BCKDHB: variants seen among roughly 807,000 people sequenced by gnomAD.
BCKDHB encodes the protein branched chain keto acid dehydrogenase E1 subunit beta, also known as 2-oxoisovalerate dehydrogenase subunit beta, mitochondrial.
A neutral mutation model predicts 48.5 loss-of-function variants in BCKDHB; 41 were observed. The ratio of observed to expected loss-of-function variants is 0.85; its 90% confidence interval spans 0.66 to 1.10. The LOEUF is 1.10. Ranked by LOEUF, BCKDHB falls within the 50% of genes least tolerant of loss-of-function variation. The pLI is 0.00. For synonymous variants in BCKDHB, 201 were observed against 174.8 expected (o/e 1.15, Z -1.18); for missense variants, 496 against 494.2 (o/e 1.00, Z -0.03).
chr6:80,372,003 C>T, the BCKDHB span, among the ~76,000 whole-genome samples: 156 of 151,796 alleles, frequency 1.0e-3, 1 homozygote, highest in African/African-American at 3.5e-3. Flanking sequence ...GATTGTTTTT[C>T]CTAGATGTGT....
intron 9 of BCKDHB, among the ~76,000 whole-genome samples, chr6:80,341,505 CAGACAT>C (rs1211555968): frequency 1.3e-5 from 2 of 152,172 alleles, no homozygotes; most frequent in African/African-American, 4.8e-5. Flanking sequence ...TATGCTCGTG[CAGACAT>C]ATAGATGTAT....
At chr6:80,426,179 G>T in the BCKDHB span, among the ~76,000 whole-genome samples, 2 of 152,068 alleles carry the variant, frequency 1.3e-5, no homozygotes, top group Non-Finnish European at 2.9e-5. Flanking sequence ...TATGACCGAG[G>T]ATGTTTTTGT....
At chr6:80,157,632 A>AT (rs1230666919) in intron 3 of BCKDHB, among the ~76,000 whole-genome samples, 7 of 149,126 alleles carry the variant, frequency 4.7e-5, no homozygotes, top group South Asian at 2.1e-4. Flanking sequence ...CACCTGGCTA[A>AT]TTTTTTTTTG....
chr6:80,151,859 G>A (rs531806479), intron 3 of BCKDHB, among the ~76,000 whole-genome samples: 21 of 152,268 alleles, frequency 1.4e-4, no homozygotes, highest in African/African-American at 4.8e-4. Flanking sequence ...TGACGCACAA[G>A]GGTTTTAGAT....
chr6:80,201,068 T>A (rs755313851), intron 7 of BCKDHB, 37 bp downstream of exon 7: 27 of 1,497,680 alleles, frequency 1.8e-5, no homozygotes, highest in Non-Finnish European at 2.5e-5. Context: ...AAACCTACGT[T>A]GTGCTTGGAA....
At chr6:80,395,244 A>G in the BCKDHB span, among the ~76,000 whole-genome samples, 1 of 152,190 alleles carries the variant, frequency 6.6e-6, no homozygotes, top group Non-Finnish European at 1.5e-5. Context: ...GAAGAAGACA[A>G]GAAAATGTAG....
chr6:80,176,403 T>C (rs1773157216), intron 6 of BCKDHB, among the ~76,000 whole-genome samples: 1 of 152,110 alleles, frequency 6.6e-6, no homozygotes, highest in South Asian at 2.1e-4. Context: ...GCTGGCTTTT[T>C]CCTTATAGTC....
the BCKDHB span, among the ~76,000 whole-genome samples, chr6:80,418,251 T>C: frequency 6.6e-6 from 1 of 152,176 alleles, no homozygotes; most frequent in Non-Finnish European, 1.5e-5. Flanking sequence ...AGCTCAATGA[T>C]CTTTGTTCCT....
intron 3 of BCKDHB, among the ~76,000 whole-genome samples, chr6:80,155,713 GTA>G (rs1401252048): frequency 1.3e-5 from 2 of 151,828 alleles, no homozygotes; most frequent in Non-Finnish European, 2.9e-5. Flanking sequence ...GGGATTACTG[GTA>G]AATATAACAT....
the BCKDHB span, among the ~76,000 whole-genome samples, chr6:80,428,325 T>C: frequency 6.6e-6 from 1 of 152,208 alleles, no homozygotes; most frequent in African/African-American, 2.4e-5. Context: ...AGTGTTGCAG[T>C]AAACATACGT....
chr6:80,396,815 G>A, the BCKDHB span, among the ~76,000 whole-genome samples: 1 of 152,146 alleles, frequency 6.6e-6, no homozygotes, highest in Non-Finnish European at 1.5e-5. Flanking sequence ...TAAGTTTCCT[G>A]AGGCCTTCCA....
the BCKDHB span, among the ~76,000 whole-genome samples, chr6:80,391,434 G>A: frequency 2.5e-3 from 378 of 152,256 alleles, no homozygotes; most frequent in Middle Eastern, 6.8e-3. Context: ...GCACAGCCAT[G>A]AAGAGAAGCT....
intron 9 of BCKDHB, among the ~76,000 whole-genome samples, chr6:80,309,565 A>G (rs1292971711): frequency 1.3e-5 from 2 of 151,874 alleles, no homozygotes; most frequent in Non-Finnish European, 2.9e-5. Flanking sequence ...GTATTCATGT[A>G]TTTTGGCCTG....
At chr6:80,190,606 G>T (rs1773850236) in intron 6 of BCKDHB, among the ~76,000 whole-genome samples, 1 of 152,018 alleles carries the variant, frequency 6.6e-6, no homozygotes, top group Non-Finnish European at 1.5e-5. Context: ...TGTTGAAAGG[G>T]CTCACTAAAT....
the BCKDHB span, among the ~76,000 whole-genome samples, chr6:80,404,014 T>C: frequency 6.6e-6 from 1 of 152,064 alleles, no homozygotes; most frequent in Non-Finnish European, 1.5e-5. Flanking sequence ...TCTATGCTCA[T>C]CAGGGGTATT....
intron 9 of BCKDHB, among the ~76,000 whole-genome samples, chr6:80,285,206 T>C (rs974705987): frequency 6.6e-6 from 1 of 152,168 alleles, no homozygotes; most frequent in African/African-American, 2.4e-5. Flanking sequence ...GAGTGTATTT[T>C]GTGAGTAATA....
intron 9 of BCKDHB, among the ~76,000 whole-genome samples, chr6:80,310,065 G>A (rs1768077030): frequency 6.6e-6 from 1 of 151,380 alleles, no homozygotes; most frequent in African/African-American, 2.4e-5. Context: ...ATTGCATGGT[G>A]TATATATACA....
At chr6:80,465,303 A>G in the BCKDHB span, among the ~76,000 whole-genome samples, 1 of 152,248 alleles carries the variant, frequency 6.6e-6, no homozygotes, top group East Asian at 1.9e-4. Flanking sequence ...CAGAAGGGGC[A>G]TATGAATCCA....
At chr6:80,131,314 A>T (rs1378172652) in intron 3 of BCKDHB, among the ~76,000 whole-genome samples, 1 of 152,198 alleles carries the variant, frequency 6.6e-6, no homozygotes, top group Admixed American at 6.5e-5. Flanking sequence ...CACCCAGCAA[A>T]TATATGCCTC....
Sources: allele counts gnomAD v4.1 joint callset (sites outside exome capture counted in the v4.1 genomes callset), GRCh38; gene constraint gnomAD v4.1.1; transcripts MANE v1.5; gene names NCBI Gene and HGNC (gene_info 2026-07-23, HGNC 2026-07-21).